Variants in TTLL4 observed in about 807,000 individuals in gnomAD.
The protein encoded by TTLL4 is tubulin monoglutamylase TTLL4.
A neutral mutation model predicts 122.7 loss-of-function variants in TTLL4; 85 were observed. The ratio of observed to expected loss-of-function variants is 0.69; its 90% CI spans 0.58 to 0.83. The LOEUF is 0.83. TTLL4 is among the 40% of genes least tolerant of loss of function. TTLL4 has a pLI of 0.00. For synonymous variants in TTLL4, 553 were observed against 563.0 expected (o/e 0.98, Z 0.25); for missense variants, 1,363 against 1,488.6 (o/e 0.92, Z 1.39).
rs747754257 is a variant in TTLL4, at chr2:218,754,098, GTCTCAGTCATTTCTTTCACCACCTA to G, written c.3345-34_3345-10del. Reference sequence around the variant, plus strand: ...TAAGGTAAAGTCTCAGTTAAACAGTGTCTCAGTCATTTCTTTCACCACCTATTCCCTCCAGAAAACAAAGCTCCTG... The same window carrying G: ...TAAGGTAAAGTCTCAGTTAAACAGTGTTCCCTCCAGAAAACAAAGCTCCTG... On this transcript the variant is annotated splice_polypyrimidine_tract_variant and intron_variant, in intron 19 of 19. Transcript: ENST00000392102. The G allele has an allele frequency of 3.1e-6, 5 of 1,613,150 alleles. No homozygotes were observed. Among genetic ancestry groups the G allele is most frequent in the Non-Finnish European group, 4.2e-6 (5 of 1,179,486 alleles).
intron 2 of TTLL4, among the ~76,000 whole-genome samples, chr2:218,728,949 G>A (rs559699210): frequency 4.0e-5 from 6 of 148,640 alleles, no homozygotes; most frequent in South Asian, 2.2e-4. Context: ...TTTGGCGGGG[G>A]GGGGCATAGT....
intron 8 of TTLL4, 72 bp downstream of exon 8, chr2:218,746,303 A>C (rs1186089334): frequency 5.8e-6 from 8 of 1,382,618 alleles, no homozygotes; most frequent in Admixed American, 1.7e-5. Flanking sequence ...TGATGTGAGT[A>C]GGGGGTAGGG....
intron 12 of TTLL4, chr2:218,748,500 CA>C (rs1272917265): frequency 4.4e-6 from 2 of 457,976 alleles, no homozygotes; most frequent in Non-Finnish European, 7.6e-6. Flanking sequence ...ACTAAAAATA[CA>C]AAAATTAGCT....
chr2:218,718,823 C>G (rs1382483443), intron 1 of TTLL4, among the ~76,000 whole-genome samples: 1 of 152,146 alleles, frequency 6.6e-6, no homozygotes, highest in Non-Finnish European at 1.5e-5. Context: ...GTAGGATGTT[C>G]AGATTCCTGA....
intron 2 of TTLL4, among the ~76,000 whole-genome samples, chr2:218,732,203 A>G (rs1039779622): frequency 2.0e-5 from 3 of 152,206 alleles, no homozygotes; most frequent in Non-Finnish European, 2.9e-5. Context: ...TATAATTTAC[A>G]TAGTCAGCAA....
Position 218,747,713 on chromosome 2 carries a change from T to C in TTLL4, c.2366T>C (p.Phe789Ser). ...IYLFSDGLVR[F>S]ASCKYSPSMK... ...CTCTTTTCAGATGGACTGGTCCGCT[T>C]TGCCAGTTGCAAGTATGTGACAGTG... is the stretch of plus-strand genomic sequence containing the variant. The change falls in exon 11 of 20, where the codon TTT becomes TCT. Residue 789 changes from phenylalanine (F) to serine (S), a missense_variant. Physicochemically the swap from Phe to Ser is radical, Grantham distance 155. Transcript: ENST00000392102. This position sits in a 1 kb window ranked among gnomAD's most constrained non-coding sequence, Gnocchi z 4.7. The C allele has an allele frequency of 6.2e-7, 1 of 1,614,252 alleles. No individual in the cohort carries two copies. Among genetic ancestry groups the C allele is most frequent in the Non-Finnish European group, 8.5e-7 (1 of 1,180,048 alleles).
chr2:218,753,931 C>T (rs1943093248), intron 19 of TTLL4, among the ~76,000 whole-genome samples: 1 of 152,150 alleles, frequency 6.6e-6, no homozygotes, highest in Non-Finnish European at 1.5e-5. Context: ...AGCCCTCTAC[C>T]CGCACCCCCA....
chr2:218,751,713 C>T lies in TTLL4; in HGVS notation c.2883C>T (p.Thr961=), dbSNP rs771209854. 7.4e-6 allele frequency: 12 copies of T among 1,612,870 alleles called. No homozygotes were observed. The highest frequency in any genetic ancestry group is 1.0e-5 in the Non-Finnish European group (12 of 1,179,236). ...CTGGCCTCTGCCGTAGCCTGCCCACCTCCCCTGGGGACAAATGTCGAATGG... is the reference window on the plus strand; with the variant it reads ...CTGGCCTCTGCCGTAGCCTGCCCACTTCCCCTGGGGACAAATGTCGAATGG... The part of the protein sequence containing the change: ...SCSSSTTSLP[T]SPGDKCRMAP... The change falls in exon 16 of 20, where the codon ACC becomes ACT. Residue 961 remains threonine, a synonymous_variant. Coordinates refer to ENST00000392102, the MANE Select transcript of TTLL4 (RefSeq NM_014640.5).
chr2:218,749,345 A>G lies in TTLL4; in HGVS notation c.2693A>G (p.Glu898Gly), dbSNP rs770311270. 2.5e-6 allele frequency: 4 copies of G among 1,614,186 alleles called. No homozygotes were observed. In the South Asian group the frequency reaches 4.4e-5, roughly 18 times the overall value. ...ELFGFDIMLD[E>G]NLKPWVLEVN... ...TTTGGTTTTGACATCATGCTAGACGAAAACCTCAAGCCCTGGGTCCTGGAA... is the reference window on the plus strand; with the variant it reads ...TTTGGTTTTGACATCATGCTAGACGGAAACCTCAAGCCCTGGGTCCTGGAA... Residue 898 changes from glutamate to glycine, a missense_variant, in exon 14 of 20, where the codon GAA becomes GGA. Coordinates refer to ENST00000392102, the MANE Select transcript of TTLL4 (RefSeq NM_014640.5).
intron 1 of TTLL4, among the ~76,000 whole-genome samples, chr2:218,726,212 A>G (rs1018873168): frequency 6.6e-6 from 1 of 152,048 alleles, no homozygotes; most frequent in African/African-American, 2.4e-5. Flanking sequence ...TTTTTTCAGC[A>G]GTTTGAAATG....
chr2:218,748,675 A>T, intron 12 of TTLL4, 161 bp from the exon 13 acceptor site: 3 of 544,302 alleles, frequency 5.5e-6, no homozygotes, highest in Non-Finnish European at 6.3e-6. Context: ...AAAAAAAAAA[A>T]GAATTGGTCT....
At chr2:218,713,024 C>A (rs115048702) in intron 1 of TTLL4, among the ~76,000 whole-genome samples, 1 of 152,044 alleles carries the variant, frequency 6.6e-6, no homozygotes, top group Non-Finnish European at 1.5e-5. Flanking sequence ...ATAAAACTTG[C>A]GTAAAATTTT....
At chr2:218,746,125 C>T in intron 7 of TTLL4, 30 bp from the exon 8 acceptor site, 1 of 1,613,662 alleles carries the variant, frequency 6.2e-7, no homozygotes, top group Non-Finnish European at 8.5e-7. Context: ...GAGCTGTTAG[C>T]AAGGCTGATT....
chr2:218,737,369 G>A (rs1279592739), intron 2 of TTLL4, among the ~76,000 whole-genome samples: 1 of 152,148 alleles, frequency 6.6e-6, no homozygotes, highest in Non-Finnish European at 1.5e-5. Flanking sequence ...AGTCCGTAAT[G>A]AAGCCAGCTT....
chr2:218,755,270 A>G lies in TTLL4; in HGVS notation c.*881A>G, dbSNP rs1259149918. The G allele has an allele frequency of 1.3e-5, 2 of 152,248 alleles. No individual in the cohort carries two copies. The highest frequency in any genetic ancestry group is 2.9e-5 in the Non-Finnish European group (2 of 68,138). 9.4% of individuals were successfully genotyped at this position (152,248 alleles called of 1,614,324 possible). A position where few individuals can be genotyped will look rare whatever the true frequency, so the allele number is the denominator to read the frequency against. On this transcript the variant is annotated 3_prime_UTR_variant, in exon 20 of 20. Transcript: ENST00000392102. ...GTTTCTCAATGTTCTGCTGTGCAGC[A>G]AGCAGGGTCTGGCGGCTTGGTAGGT...
rs762825310 is a variant in TTLL4, at chr2:218,746,194, A to C, written c.1937A>C (p.Lys646Thr). ...CTGGGCTGCTGGGGTCACCACATGA[A>C]GTCTCCTAGTTTCCGATCCATTCGA... ...DWLGCWGHHM[K>T]SPSFRSIREH... The change falls in exon 8 of 20, where the codon AAG becomes ACG. Residue 646 changes from lysine to threonine, a missense_variant. Coordinates refer to ENST00000392102, the MANE Select transcript of TTLL4 (RefSeq NM_014640.5). 13 of 1,614,070 alleles carry C rather than the reference A, an allele frequency of 8.1e-6. No homozygotes were observed. Among genetic ancestry groups the C allele is most frequent in the Non-Finnish European group, 1.1e-5 (13 of 1,180,012 alleles).
rs1166009057 is a variant in TTLL4, at chr2:218,738,124, C to G, written c.448C>G (p.Gln150Glu). 7.4e-6 allele frequency: 12 copies of G among 1,613,966 alleles called. No homozygotes were observed. In the African/African-American group the frequency reaches 1.6e-4, roughly 22 times the overall value. Residue 150 changes from glutamine to glutamate, a missense_variant, in exon 3 of 20, where the codon CAA becomes GAA. Transcript: ENST00000392102. ...PSEKSPFSLP[Q>E]KSLPVSLTAN... ...AGAAAAAAGCCCTTTTTCTCTCCCT[C>G]AAAAGAGCCTCCCTGTCAGTCTCAC...
chr2:218,748,978 C>G (rs1166558848), intron 13 of TTLL4, 44 bp downstream of exon 13: 2 of 1,591,270 alleles, frequency 1.3e-6, no homozygotes, highest in Non-Finnish European at 8.6e-7. Flanking sequence ...GCTGCTGACC[C>G]CCTCCTTTCT....
chr2:218,750,036 C>G lies in TTLL4; in HGVS notation c.2763C>G (p.Ile921Met). Residue 921 changes from isoleucine (I) to methionine (M), a missense_variant, in exon 15 of 20, where the codon ATC becomes ATG. Coordinates refer to ENST00000392102, the MANE Select transcript of TTLL4 (RefSeq NM_014640.5). ...PSLHSSSPLD[I>M]SIKGQMIRDL... Reference sequence around the variant, plus strand: ...TCCACTCCAGCTCTCCACTGGATATCAGCATCAAAGGCCAGATGATTCGTG... The same window carrying G: ...TCCACTCCAGCTCTCCACTGGATATGAGCATCAAAGGCCAGATGATTCGTG... The G allele has an allele frequency of 6.2e-7, 1 of 1,614,086 alleles. No individual in the cohort carries two copies. Among genetic ancestry groups the G allele is most frequent in the Non-Finnish European group, 8.5e-7 (1 of 1,179,980 alleles).
Sources: gnomAD v4.1 joint callset for allele counts (sites outside exome capture counted in the v4.1 genomes callset) on GRCh38, gnomAD v4.1.1 for gene constraint, Gnocchi (gnomAD v3.1) non-coding constraint, MANE v1.5 for transcripts, NCBI Gene and HGNC (gene_info 2026-07-23, HGNC 2026-07-21) for gene names.